The following LRRFIP1 variants were observed in gnomAD, a reference collection of about 807,000 sequenced individuals.
LRRFIP1 encodes the protein leucine-rich repeat flightless-interacting protein 1.
LRRFIP1 carries 62 observed loss-of-function variants against 104.4 expected under a neutral mutation model. The observed-to-expected ratio is 0.59, with a 90% CI of 0.48 to 0.73. LRRFIP1 has a LOEUF of 0.73. Among genes scored for constraint, LRRFIP1 ranks in the 30% least tolerant of loss-of-function variants. The pLI, the probability that LRRFIP1 is intolerant of heterozygous loss-of-function variation, is 0.00. For missense variants in LRRFIP1, 796 were observed against 824.5 expected (o/e 0.97, Z 0.42); for synonymous variants, 300 against 299.0 (o/e 1.00, Z -0.03).
Position 237,634,980 on chromosome 2 carries a change from T to C in LRRFIP1, c.96+7240T>C, listed in dbSNP as rs115206164. 7.3e-3 allele frequency among the ~76,000 whole-genome samples: 1,111 copies of C among 152,316 alleles called. 10 individuals carry two copies. The highest frequency in any genetic ancestry group is 0.025 in the African/African-American group (1,028 of 41,566). ...TCTGGTCTGGATGTTCTCCTCAGGG[T>C]TTCCTGCACCTGCCATTCCCTCTGC... On this transcript the variant is annotated intron_variant, in intron 1 of 23. Transcript: ENST00000308482.
intron 19 of LRRFIP1, among the ~76,000 whole-genome samples, chr2:237,761,979 G>A (rs2059923694): frequency 6.6e-6 from 1 of 152,206 alleles, no homozygotes. Flanking sequence ...CTTAGGGAAT[G>A]GAGCAGAGGT....
intron 22 of LRRFIP1, 36 bp downstream of exon 22, chr2:237,772,981 G>T (rs752960668): frequency 6.5e-7 from 1 of 1,536,124 alleles, no homozygotes; most frequent in South Asian, 1.1e-5. Flanking sequence ...ACTGATGATT[G>T]ACTGGAGTTT....
chr2:237,752,080 A>G (rs562099115), intron 14 of LRRFIP1, among the ~76,000 whole-genome samples: 1 of 152,188 alleles, frequency 6.6e-6, no homozygotes, highest in South Asian at 2.1e-4. Context: ...TGAAAGGGGG[A>G]AAAATAAGAC....
intron 1 of LRRFIP1, among the ~76,000 whole-genome samples, chr2:237,670,406 ATTTG>A (rs1354783872): frequency 6.6e-6 from 1 of 152,160 alleles, no homozygotes; most frequent in Non-Finnish European, 1.5e-5. Flanking sequence ...GAAAATGTTT[ATTTG>A]TTCTGTGAAA....
At chr2:237,638,018 A>G (rs2083343827) in intron 1 of LRRFIP1, among the ~76,000 whole-genome samples, 1 of 152,192 alleles carries the variant, frequency 6.6e-6, no homozygotes, top group East Asian at 1.9e-4. Flanking sequence ...ACCAGGGACC[A>G]GTTTTGTGGA....
intron 6 of LRRFIP1, chr2:237,722,069 C>T (rs1480060156): frequency 1.3e-5 from 2 of 152,252 alleles, no homozygotes; most frequent in African/African-American, 4.8e-5. Flanking sequence ...AGCTTGAGTC[C>T]TTGAAACCAG....
intron 1 of LRRFIP1, among the ~76,000 whole-genome samples, chr2:237,667,914 C>T (rs1004608124): frequency 4.6e-5 from 7 of 152,046 alleles, no homozygotes; most frequent in Non-Finnish European, 8.8e-5. Context: ...ATGAGGTTTG[C>T]GCCTTTCTCC....
chr2:237,731,201 A>G (rs1417073972), intron 8 of LRRFIP1, among the ~76,000 whole-genome samples: 1 of 152,218 alleles, frequency 6.6e-6, no homozygotes, highest in Admixed American at 6.5e-5. Context: ...ACTCCCATGT[A>G]TCATTGACCT....
chr2:237,759,593 T>C (rs1305983093), intron 18 of LRRFIP1, among the ~76,000 whole-genome samples: 1 of 152,246 alleles, frequency 6.6e-6, no homozygotes, highest in Admixed American at 6.5e-5. Context: ...CTTTTGAATA[T>C]ACTGAACATT....
At chr2:237,629,701 G>A (rs2082083902) in intron 1 of LRRFIP1, among the ~76,000 whole-genome samples, 1 of 152,004 alleles carries the variant, frequency 6.6e-6, no homozygotes, top group Admixed American at 6.6e-5. Context: ...CAAACTCCTG[G>A]CCTCAAGTGA....
chr2:237,655,412 C>A (rs2086655140), intron 1 of LRRFIP1, among the ~76,000 whole-genome samples: 1 of 151,388 alleles, frequency 6.6e-6, no homozygotes, highest in South Asian at 2.1e-4. Context: ...ACCCAGCCGT[C>A]ACTCATCTTC....
In LRRFIP1 at chr2:237,633,849, A is replaced by G. The variant is rs564327265; in HGVS notation, c.96+6109A>G. ...CTCCCTCCAAGACCCCATTCAGGCT[A>G]TGTCCTGCAGGCAAGCCACCTTCTT... is the stretch of plus-strand genomic sequence containing the variant. On this transcript the variant is annotated intron_variant, in intron 1 of 23. Coordinates refer to ENST00000308482, the MANE Select transcript of LRRFIP1 (RefSeq NM_001137550.2). Among the ~76,000 whole-genome samples the G allele has an allele frequency of 5.3e-5, 8 of 151,926 alleles. No individual in the cohort carries two copies. In the South Asian group the frequency reaches 1.5e-3, roughly 28 times the overall value.
chr2:237,722,594 C>T (rs2094573116), intron 6 of LRRFIP1, among the ~76,000 whole-genome samples: 1 of 152,162 alleles, frequency 6.6e-6, no homozygotes, highest in Admixed American at 6.5e-5. Flanking sequence ...TAGGACAGTA[C>T]ATAAGATGGG....
intron 19 of LRRFIP1, chr2:237,765,603 G>A (rs988110685): frequency 3.7e-5 from 36 of 974,786 alleles, no homozygotes; most frequent in African/African-American, 1.8e-4. Context: ...TGGTATTTTG[G>A]TATAAATATT....
intron 1 of LRRFIP1, among the ~76,000 whole-genome samples, chr2:237,678,363 A>G (rs1467101882): frequency 6.6e-6 from 1 of 152,170 alleles, no homozygotes; most frequent in African/African-American, 2.4e-5. Context: ...CAGGCTGTGC[A>G]GAGTAGGGCA....
chr2:237,714,652 A>T (rs1334869995), intron 3 of LRRFIP1, among the ~76,000 whole-genome samples: 15 of 152,278 alleles, frequency 9.9e-5, no homozygotes, highest in Non-Finnish European at 2.2e-4. Flanking sequence ...AAAAAATTCC[A>T]TACAAATTAC....
intron 1 of LRRFIP1, chr2:237,692,024 C>A: frequency 3.9e-6 from 1 of 258,666 alleles, no homozygotes; most frequent in Non-Finnish European, 5.8e-6. Flanking sequence ...GGGAGGGACC[C>A]TCCGAGGCGG....
chr2:237,758,255 C>T (rs1041006130), intron 17 of LRRFIP1, among the ~76,000 whole-genome samples: 1 of 147,276 alleles, frequency 6.8e-6, no homozygotes, highest in South Asian at 2.1e-4. Flanking sequence ...TCTGCATGCA[C>T]GCACACTTTA....
intron 19 of LRRFIP1, among the ~76,000 whole-genome samples, chr2:237,761,463 C>A (rs76213691): frequency 1.3e-5 from 2 of 152,190 alleles, no homozygotes; most frequent in East Asian, 3.8e-4. Flanking sequence ...AATCTGATTA[C>A]GCTGCTCTTA....
Sources: allele counts gnomAD v4.1 joint callset (sites outside exome capture counted in the v4.1 genomes callset), GRCh38; gene constraint gnomAD v4.1.1; transcripts MANE v1.5; gene names NCBI Gene and HGNC (gene_info 2026-07-23, HGNC 2026-07-21).